The following SNX24 variants were observed in gnomAD, a reference collection of about 807,000 sequenced individuals.
SNX24 encodes the protein sorting nexin 24, also known as sorting nexin-24.
SNX24 carries 22 observed loss-of-function variants against 28.7 expected under a neutral mutation model. The observed-to-expected ratio is 0.77, with a 90% CI of 0.55 to 1.10. The LOEUF (loss-of-function observed/expected upper bound fraction) is 1.10. Ranked by LOEUF, SNX24 falls within the 50% of genes least tolerant of loss-of-function variation. The probability of loss-of-function intolerance (pLI) is 0.00; values close to 1 mark genes in which losing one functional copy is unlikely to be tolerated. For synonymous variants in SNX24, 69 were observed against 71.5 expected (o/e 0.96, Z 0.18); for missense variants, 221 against 201.1 (o/e 1.10, Z -0.60).
At chr5:123,017,546 T>C (rs1312852334) in intron 5 of SNX24, among the ~76,000 whole-genome samples, 2 of 152,116 alleles carry the variant, frequency 1.3e-5, no homozygotes, top group Non-Finnish European at 2.9e-5. Flanking sequence ...TAGTCTAAAT[T>C]TGAGCATATT....
At chr5:122,965,253 G>A (rs1414246594) in intron 3 of SNX24, among the ~76,000 whole-genome samples, 1 of 152,152 alleles carries the variant, frequency 6.6e-6, no homozygotes, top group Non-Finnish European at 1.5e-5. Context: ...AATTTTCCTG[G>A]TGTAACCTTG....
At chr5:122,960,291 C>A (rs978089136) in intron 3 of SNX24, among the ~76,000 whole-genome samples, 1 of 152,114 alleles carries the variant, frequency 6.6e-6, no homozygotes, top group Non-Finnish European at 1.5e-5. Flanking sequence ...GTGATGTTTT[C>A]TCTGGTGCTC....
At chr5:122,983,488 T>C (rs1023370644) in intron 3 of SNX24, among the ~76,000 whole-genome samples, 2 of 152,192 alleles carry the variant, frequency 1.3e-5, no homozygotes, top group Admixed American at 6.5e-5. Flanking sequence ...ATCAACTCCA[T>C]TGGAGTCACT....
chr5:122,976,557 A>G (rs966627590), intron 3 of SNX24, among the ~76,000 whole-genome samples: 2 of 152,226 alleles, frequency 1.3e-5, no homozygotes, highest in Non-Finnish European at 2.9e-5. Flanking sequence ...TTGGCACACA[A>G]AAGGTTGCTA....
In SNX24 at chr5:122,868,068, A is replaced by C. The variant is rs143005799; in HGVS notation, c.60+22375A>C. Among the ~76,000 whole-genome samples, 47 of 152,330 alleles carry C rather than the reference A, an allele frequency of 3.1e-4. 1 individual carries two copies. Among genetic ancestry groups the C allele is most frequent in the African/African-American group, 9.1e-4 (38 of 41,576 alleles). On this transcript the variant is annotated intron_variant, in intron 1 of 6. Transcript: ENST00000261369. ...TACTGCAGCTGTGCACTTCCAGTTA[A>C]TACCTGTATATCATGTAGAACCATC...
chr5:122,968,201 C>T (rs986661614), intron 3 of SNX24, among the ~76,000 whole-genome samples: 33 of 152,144 alleles, frequency 2.2e-4, no homozygotes, highest in African/African-American at 7.7e-4. Context: ...AAAAGTTAGC[C>T]GGGCGTGGTG....
intron 5 of SNX24, among the ~76,000 whole-genome samples, chr5:123,021,498 G>A (rs1352355533): frequency 6.6e-6 from 1 of 152,118 alleles, no homozygotes; most frequent in African/African-American, 2.4e-5. Context: ...CCAAAACACT[G>A]ATGATCTCCC....
intron 3 of SNX24, among the ~76,000 whole-genome samples, chr5:122,970,777 A>G (rs1199772988): frequency 6.6e-6 from 1 of 152,176 alleles, no homozygotes; most frequent in Non-Finnish European, 1.5e-5. Context: ...CATATTCTGC[A>G]CAAATCTTAT....
chr5:122,946,081 A>G lies in SNX24; in HGVS notation c.171A>G (p.Glu57=), dbSNP rs1295850813. 2.6e-5 allele frequency: 41 copies of G among 1,605,800 alleles called. No individual in the cohort carries two copies. Among genetic ancestry groups the G allele is most frequent in the Non-Finnish European group, 3.4e-5 (40 of 1,174,578 alleles). The part of the protein sequence containing the change: ...KKLKKCIKTP[E]IPSKHVRNWV... ...TTAAGAAATGTATAAAAACTCCAGA[A>G]ATCCCTTCTAAACATGTTAGGAACT... is the stretch of plus-strand genomic sequence containing the variant. Residue 57 remains glutamate (E), a synonymous_variant, in exon 3 of 7, where the codon GAA becomes GAG. Coordinates refer to ENST00000261369, the MANE Select transcript of SNX24 (RefSeq NM_014035.4).
rs527878839 is a variant in SNX24, at chr5:122,880,829, A to G, written c.60+35136A>G. Among the ~76,000 whole-genome samples, 13 of 152,318 alleles carry G rather than the reference A, an allele frequency of 8.5e-5. No homozygotes were observed. In the South Asian group the frequency reaches 2.5e-3, roughly 29 times the overall value. On this transcript the variant is annotated intron_variant, in intron 1 of 6. Coordinates refer to ENST00000261369, the MANE Select transcript of SNX24 (RefSeq NM_014035.4). ...TGATTCAAATCTGGGAACTCTGCAC[A>G]ATTCTGTAAACTAACCACAACCAGC...
chr5:123,025,879 G>A, intron 5 of SNX24: 1 of 1,614,060 alleles, frequency 6.2e-7, no homozygotes, highest in Non-Finnish European at 8.5e-7. Flanking sequence ...TTGGTGTCAG[G>A]CCCAGCGTTG....
intron 1 of SNX24, among the ~76,000 whole-genome samples, chr5:122,901,132 T>G: frequency 6.7e-6 from 1 of 148,348 alleles, no homozygotes; most frequent in Admixed American, 6.9e-5. Flanking sequence ...ACCTGAAAGG[T>G]GGAGGTGGCA....
chr5:122,847,318 A>G (rs1201217199), intron 1 of SNX24, among the ~76,000 whole-genome samples: 1 of 152,032 alleles, frequency 6.6e-6, no homozygotes, highest in African/African-American at 2.4e-5. Flanking sequence ...ATTTGTATTT[A>G]TGACCAGGCA....
intron 3 of SNX24, among the ~76,000 whole-genome samples, chr5:122,950,823 G>T (rs1759906243): frequency 6.6e-6 from 1 of 152,172 alleles, no homozygotes; most frequent in South Asian, 2.1e-4. Flanking sequence ...CTCACTGTGG[G>T]TTGGGGCGTG....
chr5:122,969,724 T>A (rs1760872814), intron 3 of SNX24, among the ~76,000 whole-genome samples: 1 of 152,234 alleles, frequency 6.6e-6, no homozygotes, highest in East Asian at 1.9e-4. Flanking sequence ...CATCTGTTTC[T>A]GTTATTATTT....
chr5:122,847,752 C>A (rs916515161), intron 1 of SNX24, among the ~76,000 whole-genome samples: 1 of 152,140 alleles, frequency 6.6e-6, no homozygotes, highest in East Asian at 1.9e-4. Flanking sequence ...CCTAGGCCTC[C>A]CAAAGTGCTG....
intron 1 of SNX24, among the ~76,000 whole-genome samples, chr5:122,929,357 CCT>C (rs968192159): frequency 1.4e-4 from 22 of 152,246 alleles, no homozygotes; most frequent in African/African-American, 5.3e-4. Context: ...CAAATTTTGC[CCT>C]CTCTTATTAA....
At chr5:122,911,882 A>G (rs1310489168) in intron 1 of SNX24, among the ~76,000 whole-genome samples, 2 of 148,216 alleles carry the variant, frequency 1.3e-5, no homozygotes, top group African/African-American at 2.5e-5. Flanking sequence ...GCCTTGTAGT[A>G]TAGTTTGAAG....
intron 5 of SNX24, among the ~76,000 whole-genome samples, chr5:123,018,884 AC>A (rs1298392657): frequency 6.6e-6 from 1 of 151,936 alleles, no homozygotes; most frequent in Non-Finnish European, 1.5e-5. Context: ...ATGGGGTTTC[AC>A]CATATTGGCC....
Sources: gnomAD v4.1 joint callset for allele counts (sites outside exome capture counted in the v4.1 genomes callset) on GRCh38, gnomAD v4.1.1 for gene constraint, MANE v1.5 for transcripts, NCBI Gene and HGNC (gene_info 2026-07-23, HGNC 2026-07-21) for gene names.